ADGRB3: variants seen among roughly 807,000 people sequenced by gnomAD.
ADGRB3 encodes the protein brain-specific angiogenesis inhibitor 3.
ADGRB3 carries 37 observed loss-of-function variants against 193.4 expected under a neutral mutation model. The ratio of observed to expected loss-of-function variants is 0.19; its 90% confidence interval spans 0.15 to 0.25. The LOEUF (loss-of-function observed/expected upper bound fraction) is 0.25, where lower values mean the gene tolerates loss of function less well. Ranked by LOEUF, ADGRB3 falls within the 10% of genes least tolerant of loss-of-function variation. The pLI is 1.00. For synonymous variants in ADGRB3, 690 were observed against 644.2 expected, an observed-to-expected ratio of 1.07 and a Z score of -1.08; for missense variants, 1,637 against 1,852.9, an observed-to-expected ratio of 0.88 and a Z score of 2.14.
At chr6:69,306,001 A>G (rs747701045) in intron 20 of ADGRB3, among the ~76,000 whole-genome samples, 1 of 151,666 alleles carries the variant, frequency 6.6e-6, no homozygotes, top group Middle Eastern at 3.4e-3. Flanking sequence ...AGTAATCTAA[A>G]GATGATTTAA....
intron 20 of ADGRB3, among the ~76,000 whole-genome samples, chr6:69,274,623 CTTCCTTCCTTCT>C (rs576085951): frequency 7.7e-6 from 1 of 130,316 alleles, no homozygotes; most frequent in African/African-American, 3.0e-5. Context: ...CCCTCCCTCC[CTTCCTTCCTTCT>C]TTCCTTCCTT....
chr6:69,079,419 C>T (rs1772324383), intron 17 of ADGRB3, among the ~76,000 whole-genome samples: 1 of 152,026 alleles, frequency 6.6e-6, no homozygotes, highest in Admixed American at 6.6e-5. Context: ...ATTGATGGAA[C>T]ATATCTCAAA....
At chr6:69,044,161 A>C (rs748417968) in intron 13 of ADGRB3, among the ~76,000 whole-genome samples, 18 of 152,218 alleles carry the variant, frequency 1.2e-4, no homozygotes, top group Non-Finnish European at 2.5e-4. Context: ...CCAGATCATA[A>C]GTCTGTGTGA....
At chr6:68,705,893 G>T (rs764123464) in intron 3 of ADGRB3, among the ~76,000 whole-genome samples, 6 of 152,138 alleles carry the variant, frequency 3.9e-5, no homozygotes, top group African/African-American at 1.2e-4. Flanking sequence ...AAACATCAGG[G>T]GTGAGGAGTG....
intron 3 of ADGRB3, among the ~76,000 whole-genome samples, chr6:68,732,715 T>C (rs913437015): frequency 2.6e-5 from 4 of 151,948 alleles, no homozygotes; most frequent in African/African-American, 4.8e-5. Flanking sequence ...AGCAGAATCT[T>C]TGTGAAACCT....
At chr6:69,170,359 C>T (rs576146254) in intron 17 of ADGRB3, among the ~76,000 whole-genome samples, 9 of 152,222 alleles carry the variant, frequency 5.9e-5, no homozygotes, top group East Asian at 5.8e-4. Flanking sequence ...TTTTTCTTTA[C>T]GGCACTCAAC....
intron 3 of ADGRB3, among the ~76,000 whole-genome samples, chr6:68,765,977 A>G (rs7742643): frequency 0.019 from 2,883 of 152,124 alleles, 90 homozygotes; most frequent in African/African-American, 0.064. Flanking sequence ...ATACCTTAAT[A>G]ATAGCTTGTC....
At chr6:68,832,480 C>A (rs1012352733) in intron 3 of ADGRB3, among the ~76,000 whole-genome samples, 4 of 151,936 alleles carry the variant, frequency 2.6e-5, no homozygotes, top group African/African-American at 9.7e-5. Context: ...GCCTCTAGAC[C>A]CAAAGTCTAA....
intron 3 of ADGRB3, among the ~76,000 whole-genome samples, chr6:68,689,905 A>G (rs770252840): frequency 6.6e-6 from 1 of 152,108 alleles, no homozygotes; most frequent in Non-Finnish European, 1.5e-5. Context: ...GCCTGCTGAG[A>G]TTGTTTTGCC....
chr6:68,671,595 A>G (rs767218333), intron 3 of ADGRB3, among the ~76,000 whole-genome samples: 1 of 152,068 alleles, frequency 6.6e-6, no homozygotes, highest in Non-Finnish European at 1.5e-5. Context: ...TTTCTGTCCC[A>G]GGAATAAATC....
Position 69,334,040 on chromosome 6 carries a change from A to G in ADGRB3, c.3188+1032A>G, listed in dbSNP as rs1768789340. Among the ~76,000 whole-genome samples, 3 of 151,442 alleles carry G rather than the reference A, an allele frequency of 2.0e-5. 1 individual carries two copies. The highest frequency in any genetic ancestry group is 4.1e-4 in the South Asian group (2 of 4,828). ...ATAAAAAATATGTATATATAATGAC[A>G]GTAACGTCTCATATATAGATTGTTA... On this transcript the variant is annotated intron_variant, in intron 24 of 31. Transcript: ENST00000370598.
chr6:69,035,968 G>C (rs1359665797), intron 13 of ADGRB3, among the ~76,000 whole-genome samples: 1 of 152,168 alleles, frequency 6.6e-6, no homozygotes. Context: ...CCAGAGTTAA[G>C]CTTTGGATAC....
At chr6:69,120,767 A>T (rs1035837749) in intron 17 of ADGRB3, among the ~76,000 whole-genome samples, 1 of 152,182 alleles carries the variant, frequency 6.6e-6, no homozygotes, top group African/African-American at 2.4e-5. Flanking sequence ...TACATGGAAA[A>T]TCAGAGTTTT....
intron 26 of ADGRB3, among the ~76,000 whole-genome samples, chr6:69,345,267 G>A (rs897226011): frequency 3.3e-5 from 5 of 152,022 alleles, no homozygotes; most frequent in Admixed American, 2.0e-4. Flanking sequence ...ACATTTTGAG[G>A]TTGTACTGAT....
At chr6:68,787,281 G>T (rs1766995572) in intron 3 of ADGRB3, among the ~76,000 whole-genome samples, 4 of 152,108 alleles carry the variant, frequency 2.6e-5, no homozygotes, top group South Asian at 4.1e-4. Flanking sequence ...TATGATATTG[G>T]CTGTGGGTTT....
In ADGRB3 at chr6:68,946,958, A is replaced by G. The variant is rs78351562; in HGVS notation, c.1195+2964A>G. On this transcript the variant is annotated intron_variant, in intron 6 of 31. Transcript: ENST00000370598. ...ATCAGATTCCTTGCTGAGTCAATGCACAACTTCCTCCCACTTCTTTTGAGG... is the reference window on the plus strand; with the variant it reads ...ATCAGATTCCTTGCTGAGTCAATGCGCAACTTCCTCCCACTTCTTTTGAGG... Among the ~76,000 whole-genome samples, 5 of 152,120 alleles carry G rather than the reference A, an allele frequency of 3.3e-5. No individual in the cohort carries two copies. The East Asian group carries it at 9.6e-4, about 29-fold the overall frequency.
chr6:68,918,386 G>A (rs1766940240), intron 3 of ADGRB3, among the ~76,000 whole-genome samples: 2 of 152,278 alleles, frequency 1.3e-5, no homozygotes, highest in South Asian at 4.1e-4. Flanking sequence ...CTCCTTGCTA[G>A]ATCATGTTAG....
intron 17 of ADGRB3, among the ~76,000 whole-genome samples, chr6:69,134,950 TAA>T (rs1292847003): frequency 5.9e-5 from 9 of 151,996 alleles, no homozygotes; most frequent in African/African-American, 2.2e-4. Context: ...TTTCTAAATA[TAA>T]GTGTCATTTG....
chr6:68,984,119 G>A (rs536953203), intron 10 of ADGRB3, among the ~76,000 whole-genome samples: 4 of 152,168 alleles, frequency 2.6e-5, no homozygotes, highest in African/African-American at 9.6e-5. Context: ...CTAGGAGTTT[G>A]GATTTAATAC....
Sources: gnomAD v4.1 joint callset for allele counts (sites outside exome capture counted in the v4.1 genomes callset) on GRCh38, gnomAD v4.1.1 for gene constraint, MANE v1.5 for transcripts, NCBI Gene and HGNC (gene_info 2026-07-23, HGNC 2026-07-21) for gene names.